The following RBMS3 variants were observed in gnomAD, a reference collection of about 807,000 sequenced individuals.
RBMS3 encodes the protein RNA-binding motif, single-stranded-interacting protein 3.
RBMS3 carries 27 observed loss-of-function variants against 66.8 expected under a neutral mutation model. The ratio of observed to expected loss-of-function variants is 0.40; its 90% CI spans 0.30 to 0.56. The LOEUF is 0.56. Ranked by LOEUF, RBMS3 falls within the 20% of genes least tolerant of loss-of-function variation. The probability of loss-of-function intolerance (pLI) is 0.40; values close to 1 mark genes in which losing one functional copy is unlikely to be tolerated. For missense variants in RBMS3, 513 were observed against 549.5 expected, an observed-to-expected ratio of 0.93 and a Z score of 0.66; for synonymous variants, 188 against 183.0, an observed-to-expected ratio of 1.03 and a Z score of -0.22.
At chr3:29,405,812 T>A (rs1327455196) in intron 1 of RBMS3, among the ~76,000 whole-genome samples, 1 of 152,208 alleles carries the variant, frequency 6.6e-6, no homozygotes, top group African/African-American at 2.4e-5. Context: ...TGTATTTGGT[T>A]GTTTTGGTTG....
At chr3:29,470,770 A>C (rs1475135669) in intron 2 of RBMS3, among the ~76,000 whole-genome samples, 7 of 152,140 alleles carry the variant, frequency 4.6e-5, no homozygotes, top group African/African-American at 1.7e-4. Flanking sequence ...AATGAATTAA[A>C]TGAATTGTCA....
intron 7 of RBMS3, chr3:29,880,761 T>C: frequency 6.5e-7 from 1 of 1,534,552 alleles, no homozygotes; most frequent in Non-Finnish European, 8.7e-7. Flanking sequence ...TATCTCTTGT[T>C]GTCTCCTCTT....
At chr3:29,716,246 A>G (rs1350757422) in intron 4 of RBMS3, among the ~76,000 whole-genome samples, 1 of 152,168 alleles carries the variant, frequency 6.6e-6, no homozygotes, top group African/African-American at 2.4e-5. Flanking sequence ...ATATACTTGC[A>G]CAGTTACCAC....
intron 12 of RBMS3, among the ~76,000 whole-genome samples, chr3:29,945,363 T>C (rs1695233956): frequency 6.6e-6 from 1 of 151,696 alleles, no homozygotes; most frequent in African/African-American, 2.4e-5. Context: ...CCTGGCTGAA[T>C]ACTCATCTTT....
At chr3:29,888,735 G>A (rs2059931103) in intron 8 of RBMS3, among the ~76,000 whole-genome samples, 1 of 151,564 alleles carries the variant, frequency 6.6e-6, no homozygotes, top group Non-Finnish European at 1.5e-5. Flanking sequence ...ATCAAATTTT[G>A]TTTTCCTCTG....
chr3:29,881,903 T>A (rs1343534351), intron 7 of RBMS3, among the ~76,000 whole-genome samples: 1 of 152,264 alleles, frequency 6.6e-6, no homozygotes, highest in African/African-American at 2.4e-5. Flanking sequence ...GAAATAAATG[T>A]GCAGTTGACT....
intron 12 of RBMS3, among the ~76,000 whole-genome samples, chr3:29,957,480 A>G (rs1696119720): frequency 1.3e-5 from 2 of 152,202 alleles, no homozygotes; most frequent in Non-Finnish European, 2.9e-5. Flanking sequence ...GTGAATGAAC[A>G]ACTAAGTGCA....
intron 6 of RBMS3, chr3:29,766,872 G>GT (rs2055951630): frequency 6.6e-6 from 1 of 151,940 alleles, no homozygotes; most frequent in Admixed American, 6.6e-5. Flanking sequence ...TCGTTTGAGT[G>GT]TTGTAGCCAT....
intron 4 of RBMS3, chr3:29,616,005 G>A (rs2048658249): frequency 6.6e-6 from 1 of 152,192 alleles, no homozygotes; most frequent in Non-Finnish European, 1.5e-5. Flanking sequence ...GATAGTCTGA[G>A]CAATTATAGA....
At chr3:29,350,613 A>G (rs1040710289) in intron 1 of RBMS3, among the ~76,000 whole-genome samples, 1 of 152,156 alleles carries the variant, frequency 6.6e-6, no homozygotes, top group Non-Finnish European at 1.5e-5. Flanking sequence ...CTCTCCTGGG[A>G]CAAAGCTTAT....
intron 4 of RBMS3, among the ~76,000 whole-genome samples, chr3:29,590,946 G>GA (rs1256941121): frequency 1.3e-5 from 2 of 152,062 alleles, no homozygotes; most frequent in Non-Finnish European, 2.9e-5. Flanking sequence ...AGGAAAAAGA[G>GA]AAAAAAGCAA....
At chr3:29,769,122 A>C (rs1247516344) in intron 6 of RBMS3, among the ~76,000 whole-genome samples, 1 of 151,916 alleles carries the variant, frequency 6.6e-6, no homozygotes, top group Non-Finnish European at 1.5e-5. Context: ...AGGGTTAATG[A>C]AGGTGAACAT....
At chr3:29,962,148 AGACT>A (rs1261465471) in intron 12 of RBMS3, among the ~76,000 whole-genome samples, 1 of 149,298 alleles carries the variant, frequency 6.7e-6, no homozygotes, top group Non-Finnish European at 1.5e-5. Context: ...CTTTTTTTGA[AGACT>A]GACATAATTT....
At position 29,547,054 on chromosome 3, in the gene RBMS3, T is replaced by C. The variant is rs1002144515; in HGVS notation, c.308-40060T>C. Among the ~76,000 whole-genome samples the C allele has an allele frequency of 2.0e-5, 3 of 152,130 alleles. No homozygotes were observed. The East Asian group carries it at 5.8e-4, about 29-fold the overall frequency. On this transcript the variant is annotated intron_variant, in intron 3 of 14. Coordinates refer to ENST00000383767, the MANE Select transcript of RBMS3 (RefSeq NM_001003793.3). ...GCAATAGCACAATCATAGCTCACTA[T>C]AACCCAGAACTCCTGGGCACAAAGG...
At chr3:29,949,972 C>T (rs1011452583) in intron 12 of RBMS3, among the ~76,000 whole-genome samples, 53 of 151,836 alleles carry the variant, frequency 3.5e-4, no homozygotes, top group African/African-American at 1.3e-3. Flanking sequence ...CCACCTGCAG[C>T]GGTTTCTGTT....
chr3:29,549,821 T>G (rs1054717900), intron 3 of RBMS3, among the ~76,000 whole-genome samples: 45 of 152,170 alleles, frequency 3.0e-4, no homozygotes, highest in Non-Finnish European at 5.9e-4. Context: ...GTTCTTGGAC[T>G]TAAGGCAGTA....
At chr3:29,769,623 T>G (rs1254565651) in intron 6 of RBMS3, among the ~76,000 whole-genome samples, 1 of 151,728 alleles carries the variant, frequency 6.6e-6, no homozygotes, top group Non-Finnish European at 1.5e-5. Context: ...TTGTTTTTTT[T>G]CTTTATTTAT....
In RBMS3 at chr3:29,874,135, A is replaced by T. The variant is rs547161896; in HGVS notation, c.744+5171A>T. Among the ~76,000 whole-genome samples the T allele has an allele frequency of 1.9e-3, 282 of 152,302 alleles. 2 individuals are homozygous for T. The highest frequency in any genetic ancestry group is 1.7e-3 in the East Asian group (9 of 5,168). ...AACATTTGACCAGTCACCAGTCAGC[A>T]TACTTATAAATATGAAAACTTGACA... On this transcript the variant is annotated intron_variant, in intron 7 of 14. Coordinates refer to ENST00000383767, the MANE Select transcript of RBMS3 (RefSeq NM_001003793.3).
At position 29,647,129 on chromosome 3, in the gene RBMS3, C is replaced by T. The variant is rs149716430; in HGVS notation, c.399+59924C>T. ...AGTAGCTGGGACTACAGGCGCGTAC[C>T]ACCACACCGGGCTAATTTTTTGTGT... is the stretch of plus-strand genomic sequence containing the variant. On this transcript the variant is annotated intron_variant, in intron 4 of 14. Transcript: ENST00000383767. Among the ~76,000 whole-genome samples, 808 of 152,224 alleles carry T rather than the reference C, an allele frequency of 5.3e-3. 7 individuals are homozygous for T. The highest frequency in any genetic ancestry group is 8.4e-3 in the Non-Finnish European group (568 of 68,012).
Sources: allele counts gnomAD v4.1 joint callset (sites outside exome capture counted in the v4.1 genomes callset), GRCh38; gene constraint gnomAD v4.1.1; transcripts MANE v1.5; gene names NCBI Gene and HGNC (gene_info 2026-07-23, HGNC 2026-07-21).